Variants in COL4A1 observed in about 807,000 individuals in gnomAD.
The protein encoded by COL4A1 is collagen alpha-1(IV) chain.
In COL4A1, 40 loss-of-function variants were observed where a neutral mutation model predicts 216.6. The ratio of observed to expected loss-of-function variants is 0.18; its 90% CI spans 0.14 to 0.24. The LOEUF is 0.24. COL4A1 is among the 10% of genes least tolerant of loss of function. The pLI, the probability that COL4A1 is intolerant of heterozygous loss-of-function variation, is 1.00. For missense variants in COL4A1, 1,628 were observed against 2,196.8 expected, an observed-to-expected ratio of 0.74 and a Z score of 5.18; for synonymous variants, 839 against 810.7, an observed-to-expected ratio of 1.03 and a Z score of -0.59.
intron 1 of COL4A1, among the ~76,000 whole-genome samples, chr13:110,297,486 G>A (rs1884320960): frequency 6.6e-6 from 1 of 152,110 alleles, no homozygotes; most frequent in Admixed American, 6.5e-5. Flanking sequence ...GTTGCCCAAA[G>A]TCAAACAGCT....
In COL4A1 at chr13:110,178,194, T is replaced by C. The variant is rs756853718; in HGVS notation, c.2496A>G (p.Gly832=). The C allele has an allele frequency of 1.9e-6, 3 of 1,614,124 alleles. No individual in the cohort carries two copies. In the South Asian group the frequency reaches 3.3e-5, roughly 18 times the overall value. The part of the protein sequence containing the change: ...PGIKGEKGFP[G]FPGLDMPGPK... ...GGCCCGGCATGTCCAGTCCAGGGAATCCGGGGAAACCCTTCTCTCCTTTTA... is the reference window on the plus strand; with the variant it reads ...GGCCCGGCATGTCCAGTCCAGGGAACCCGGGGAAACCCTTCTCTCCTTTTA... Residue 832 remains glycine, a synonymous_variant, in exon 32 of 52, where the codon GGA becomes GGG. Transcript: ENST00000375820.
chr13:110,265,362 GTA>G (rs1882987883), intron 1 of COL4A1: 1 of 152,246 alleles, frequency 6.6e-6, no homozygotes, highest in South Asian at 2.1e-4. Flanking sequence ...ATAAAGAAAA[GTA>G]TTAAAGTAGT....
In COL4A1 at chr13:110,295,901, G is replaced by A. The variant is rs576104892; in HGVS notation, c.84+11043C>T. ...CCTCCAAAGTCAGCTCCAGCTCTCC[G>A]GGGAGACAGGTGCGCTTTCTAGCGG... On this transcript the variant is annotated intron_variant, in intron 1 of 51. Transcript: ENST00000375820. Among the ~76,000 whole-genome samples the A allele has an allele frequency of 1.2e-4, 18 of 152,332 alleles. No individual in the cohort carries two copies. The South Asian group carries it at 2.7e-3, about 23-fold the overall frequency.
chr13:110,204,323 C>T (rs1273641639), intron 17 of COL4A1, among the ~76,000 whole-genome samples: 2 of 152,086 alleles, frequency 1.3e-5, no homozygotes, highest in Admixed American at 6.5e-5. Context: ...TATATGAATA[C>T]CAGAAGATTT....
At chr13:110,260,570 C>T (rs1002863932) in intron 1 of COL4A1, among the ~76,000 whole-genome samples, 3 of 152,148 alleles carry the variant, frequency 2.0e-5, no homozygotes, top group Admixed American at 6.5e-5. Context: ...CATCTCCGGC[C>T]CAAGCTTTCT....
chr13:110,295,563 T>C (rs1884245015), intron 1 of COL4A1, among the ~76,000 whole-genome samples: 1 of 151,892 alleles, frequency 6.6e-6, no homozygotes, highest in African/African-American at 2.4e-5. Flanking sequence ...GTAGCTGGGA[T>C]TACAGGCGCC....
chr13:110,249,647 C>T (rs1206478188), intron 1 of COL4A1, among the ~76,000 whole-genome samples: 3 of 152,142 alleles, frequency 2.0e-5, no homozygotes, highest in Non-Finnish European at 2.9e-5. Flanking sequence ...TGTTCTGGTC[C>T]GTAGTCTGGG....
intron 26 of COL4A1, 102 bp from the exon 27 acceptor site, chr13:110,183,378 G>T: frequency 9.3e-7 from 1 of 1,070,994 alleles, no homozygotes; most frequent in Non-Finnish European, 1.4e-6. Context: ...ATCCTACCCA[G>T]CACCACGAGT....
In COL4A1 at chr13:110,242,756, T is replaced by C. The variant is rs777021157; in HGVS notation, c.85-22A>G. ...CACCCTGGAAGGAAAAGAAAACTTCTTTAAATAGAAGAACACTTTCAAAGC... is the reference window on the plus strand; with the variant it reads ...CACCCTGGAAGGAAAAGAAAACTTCCTTAAATAGAAGAACACTTTCAAAGC... On this transcript the variant is annotated intron_variant, in intron 1 of 51. Coordinates refer to ENST00000375820, the MANE Select transcript of COL4A1 (RefSeq NM_001845.6). 8 of 1,613,726 alleles carry C rather than the reference T, an allele frequency of 5.0e-6. No individual in the cohort carries two copies. The South Asian group carries it at 7.7e-5, about 16-fold the overall frequency.
intron 1 of COL4A1, among the ~76,000 whole-genome samples, chr13:110,299,132 A>G (rs9555684): frequency 0.053 from 8,054 of 152,314 alleles, 340 homozygotes; most frequent in East Asian, 0.25. Context: ...GGGGAGGGCC[A>G]TGTTACACGC....
At chr13:110,170,170 T>A (rs78509344) in intron 42 of COL4A1, among the ~76,000 whole-genome samples, 1,507 of 147,870 alleles carry the variant, frequency 0.01, 24 homozygotes, top group African/African-American at 0.036. Context: ...GAAATGCCAC[T>A]GTCTCCGTGT....
In COL4A1 at chr13:110,209,999, G is replaced by A. The variant is rs1407724711; in HGVS notation, c.596C>T (p.Pro199Leu). 1 of 1,614,028 alleles carries A rather than the reference G, an allele frequency of 6.2e-7. No individual in the cohort carries two copies. The highest frequency in any genetic ancestry group is 8.5e-7 in the Non-Finnish European group (1 of 1,180,032). The change falls in exon 10 of 52, where the codon CCA becomes CTA. Residue 199 changes from proline to leucine, a missense_variant. Physicochemically the swap from Pro to Leu is moderately conservative, Grantham distance 98 (BLOSUM62 -3). This residue lies in a region of COL4A1 where 150 missense variants were observed against 211.9 expected (regional missense o/e 0.71). Transcript: ENST00000375820. ...LPGLQGPVGP[P>L]GFTGPPGPPG... is the part of the protein sequence containing the mutation. ...ACTTACTGGTGGTCCGGTAAATCCT[G>A]GAGGCCCAACAGGACCTTGAAGCCC...
rs1005161543 is a variant in COL4A1 at position 110,149,222 on chromosome 13, G to C, written c.*1141C>G. 1 of 154,698 alleles carries C rather than the reference G, an allele frequency of 6.5e-6. No homozygotes were observed. Among genetic ancestry groups the C allele is most frequent in the Non-Finnish European group, 1.5e-5 (1 of 68,208 alleles). 9.6% of individuals were successfully genotyped at this position (154,698 alleles called of 1,614,324 possible). A position where few individuals can be genotyped will look rare whatever the true frequency, so the allele number is the denominator to read the frequency against. On this transcript the variant is annotated 3_prime_UTR_variant, in exon 52 of 52. Coordinates refer to ENST00000375820, the MANE Select transcript of COL4A1 (RefSeq NM_001845.6). ...GAATCTGCCCTCCTGCGGTCCATGC[G>C]ATGCCCTGCTGAGGTCTGTGAACAC...
At chr13:110,251,661 G>A (rs561328246) in intron 1 of COL4A1, among the ~76,000 whole-genome samples, 15 of 152,334 alleles carry the variant, frequency 9.8e-5, no homozygotes, top group South Asian at 4.1e-4. Context: ...GCTGAGTTGC[G>A]AAAAGTCAGG....
chr13:110,179,355 G>C lies in COL4A1; in HGVS notation c.2260C>G (p.Pro754Ala), dbSNP rs1878042898. 2 of 1,613,968 alleles carry C rather than the reference G, an allele frequency of 1.2e-6. No homozygotes were observed. Among genetic ancestry groups the C allele is most frequent in the African/African-American group, 1.3e-5 (1 of 74,894 alleles). ...LPGLPGIPGT[P>A]GEKGSIGVPG... ...ACCCCAATGCTCCCCTTCTCCCCGG[G>C]TGTGCCAGGAATGCCGGGAAGACCT... The change falls in exon 30 of 52, where the codon CCC becomes GCC. Residue 754 changes from proline (P) to alanine (A), a missense_variant. This residue lies in a region of COL4A1 where 701 missense variants were observed against 892.5 expected (regional missense o/e 0.79). Coordinates refer to ENST00000375820, the MANE Select transcript of COL4A1 (RefSeq NM_001845.6).
intron 23 of COL4A1, among the ~76,000 whole-genome samples, chr13:110,192,569 C>T (rs1392059094): frequency 1.3e-5 from 2 of 152,288 alleles, no homozygotes; most frequent in Admixed American, 6.5e-5. Flanking sequence ...ATTCCATTAA[C>T]TGCTTGTGAG....
intron 1 of COL4A1, among the ~76,000 whole-genome samples, chr13:110,245,376 C>G (rs530122810): frequency 1.3e-5 from 2 of 152,282 alleles, no homozygotes; most frequent in South Asian, 4.1e-4. Flanking sequence ...TCATCCCCCT[C>G]CTACAGATAC....
chr13:110,228,964 TC>T (rs1025549911), intron 2 of COL4A1, among the ~76,000 whole-genome samples: 2 of 152,142 alleles, frequency 1.3e-5, no homozygotes, highest in African/African-American at 4.8e-5. Flanking sequence ...ACGTGATTTT[TC>T]AGAAAAGAAA....
intron 1 of COL4A1, among the ~76,000 whole-genome samples, chr13:110,295,326 TC>T (rs921311553): frequency 6.6e-6 from 1 of 151,162 alleles, no homozygotes. Context: ...TGATTTTAAG[TC>T]CAAATCTTAA....
Sources: allele counts gnomAD v4.1 joint callset (sites outside exome capture counted in the v4.1 genomes callset), GRCh38; gene constraint gnomAD v4.1.1; regional missense constraint gnomAD v4.1.1; transcripts MANE v1.5; gene names NCBI Gene and HGNC (gene_info 2026-07-23, HGNC 2026-07-21).